Variants in KIF26A observed in about 807,000 individuals in gnomAD.
KIF26A encodes kinesin-like protein KIF26A.
In KIF26A, 74 loss-of-function variants were observed where a neutral mutation model predicts 126.0. That is an observed-to-expected ratio of 0.59 (90% CI 0.49 to 0.71). The LOEUF is 0.71. Ranked by LOEUF, KIF26A falls within the 30% of genes least tolerant of loss-of-function variation. The pLI is 0.00. For synonymous variants in KIF26A, 1,445 were observed against 1,232.7 expected, an observed-to-expected ratio of 1.17 and a Z score of -3.61; for missense variants, 2,984 against 2,763.3, an observed-to-expected ratio of 1.08 and a Z score of -1.79.
intron 5 of KIF26A, among the ~76,000 whole-genome samples, chr14:104,170,729 C>T (rs2037949114): frequency 6.6e-6 from 1 of 152,228 alleles, no homozygotes; most frequent in Middle Eastern, 3.2e-3. Context: ...GGCATCGACG[C>T]ACCAGACCCA....
At chr14:104,172,751 A>T in intron 7 of KIF26A, 83 bp downstream of exon 7, 2 of 1,191,570 alleles carry the variant, frequency 1.7e-6, no homozygotes, top group Non-Finnish European at 2.4e-6. Flanking sequence ...GCAGCTTCTG[A>T]TGGGAAAGGA....
intron 1 of KIF26A, 57 bp from the exon 2 acceptor site, chr14:104,138,986 T>C: frequency 7.6e-7 from 1 of 1,320,264 alleles, no homozygotes; most frequent in African/African-American, 1.5e-5. Context: ...CGCGCAGGGG[T>C]CTGGATCCGA....
At chr14:104,154,732 C>T (rs1230046384) in intron 3 of KIF26A, among the ~76,000 whole-genome samples, 2 of 152,222 alleles carry the variant, frequency 1.3e-5, no homozygotes, top group Admixed American at 6.5e-5. Context: ...AACTGAGCTG[C>T]GAGACCGAGG....
rs74837320 is a variant in KIF26A at position 104,174,984 on chromosome 14, C to T, written c.2196C>T (p.Tyr732=). ...CAGCTCCACTTTTCTTCCCCCAGTA[C>T]GCCTCCAGCTCCTCTGGCGGGGAGA... ...IHRLRRKKAK[Y]ASSSSGGESS... is the part of the protein sequence containing the mutation. Residue 732 remains tyrosine, a splice_region_variant and synonymous_variant, in exon 12 of 15, where the codon TAC becomes TAT. Coordinates refer to ENST00000423312, the MANE Select transcript of KIF26A (RefSeq NM_015656.2). The T allele has an allele frequency of 2.3e-3, 3,479 of 1,535,278 alleles. 69 individuals carry two copies. In the African/African-American group the frequency reaches 0.038, roughly 17 times the overall value.
intron 2 of KIF26A, among the ~76,000 whole-genome samples, chr14:104,140,754 C>G (rs937226385): frequency 6.6e-6 from 1 of 152,182 alleles, no homozygotes; most frequent in African/African-American, 2.4e-5. Flanking sequence ...GACCACCCAT[C>G]TCCAGCCTCC....
Position 104,161,066 on chromosome 14 carries a change from A to G in KIF26A, c.923+3124A>G, listed in dbSNP as rs143361072. 3.7e-3 allele frequency among the ~76,000 whole-genome samples: 571 copies of G among 152,292 alleles called. 5 individuals are homozygous for G. The highest frequency in any genetic ancestry group is 0.013 in the African/African-American group (555 of 41,558). On this transcript the variant is annotated intron_variant, in intron 4 of 14. Coordinates refer to ENST00000423312, the MANE Select transcript of KIF26A (RefSeq NM_015656.2). Reference sequence around the variant, plus strand: ...TTAGCTGGGGACCCACATGGAAGGCACTGTCTGGAGAGGTGTCCCCACCTG... The same window carrying G: ...TTAGCTGGGGACCCACATGGAAGGCGCTGTCTGGAGAGGTGTCCCCACCTG...
intron 2 of KIF26A, among the ~76,000 whole-genome samples, chr14:104,144,552 G>A (rs765005472): frequency 1.3e-5 from 2 of 152,224 alleles, no homozygotes; most frequent in African/African-American, 2.4e-5. Context: ...AAGTACCCTG[G>A]AAGGATCTCT....
intron 4 of KIF26A, among the ~76,000 whole-genome samples, chr14:104,165,853 G>GCA (rs2037893180): frequency 6.6e-6 from 1 of 150,636 alleles, no homozygotes; most frequent in African/African-American, 2.5e-5. Flanking sequence ...GTGTGTCTGT[G>GCA]TGTGTCTCTG....
In KIF26A at chr14:104,179,658, C is replaced by A. The variant is rs1159522587; in HGVS notation, c.5517C>A (p.Ala1839=). ...CCGAGTCGGCCGAGTACCTGGCGGCCCTGGAGCGAGCCACGGCGGCCCTGG... is the reference window on the plus strand; with the variant it reads ...CCGAGTCGGCCGAGTACCTGGCGGCACTGGAGCGAGCCACGGCGGCCCTGG... ...LEPESAEYLA[A]LERATAALEQ... Residue 1839 remains alanine, a synonymous_variant, in exon 15 of 15, where the codon GCC becomes GCA. Coordinates refer to ENST00000423312, the MANE Select transcript of KIF26A (RefSeq NM_015656.2). The A allele has an allele frequency of 6.5e-7, 1 of 1,547,508 alleles. No homozygotes were observed. The highest frequency in any genetic ancestry group is 1.4e-5 in the African/African-American group (1 of 72,896).
chr14:104,171,693 C>T, intron 5 of KIF26A, 30 bp from the exon 6 acceptor site: 1 of 1,528,650 alleles, frequency 6.5e-7, no homozygotes, highest in Non-Finnish European at 8.8e-7. Flanking sequence ...GCGGAGGCAG[C>T]TTCTCAGGTG....
chr14:104,140,387 C>T (rs2037626650), intron 2 of KIF26A, among the ~76,000 whole-genome samples: 1 of 152,140 alleles, frequency 6.6e-6, no homozygotes, highest in African/African-American at 2.4e-5. Flanking sequence ...GCCCCAGTGG[C>T]CTGTATCTAG....
chr14:104,168,091 G>A (rs192595979), intron 5 of KIF26A, among the ~76,000 whole-genome samples: 18 of 152,324 alleles, frequency 1.2e-4, no homozygotes, highest in African/African-American at 4.3e-4. Context: ...AGCACCCCTC[G>A]CAGTCCTGGT....
At position 104,157,804 on chromosome 14, in the gene KIF26A, G is replaced by T. The variant is rs768127036; in HGVS notation, c.785G>T (p.Cys262Phe). Residue 262 changes from cysteine to phenylalanine, a missense_variant, in exon 4 of 15, where the codon TGC (cysteine) becomes TTC (phenylalanine). Physicochemically the swap from Cys to Phe is radical, Grantham distance 205 (BLOSUM62 -2). Coordinates refer to ENST00000423312, the MANE Select transcript of KIF26A (RefSeq NM_015656.2). ...GCGGTGGCAGACACGGTCCGAGAAT[G>T]CCCCCCCGTGGCCGGCCCTGATGGC... ...AVAVADTVRE[C>F]PPVAGPDGLS... The T allele has an allele frequency of 1.4e-4, 229 of 1,609,914 alleles. No homozygotes were observed. Among genetic ancestry groups the T allele is most frequent in the Non-Finnish European group, 1.8e-4 (216 of 1,178,716 alleles).
At position 104,148,272 on chromosome 14, in the gene KIF26A, A is replaced by G. The variant is rs2037697582; in HGVS notation, c.289-3743A>G. ...GAGACTCCCTAAAACCCAGGCGCGCAATGGGTGGGCTATGTTTGATGCTAA... is the reference window on the plus strand; with the variant it reads ...GAGACTCCCTAAAACCCAGGCGCGCGATGGGTGGGCTATGTTTGATGCTAA... On this transcript the variant is annotated intron_variant, in intron 2 of 14. Coordinates refer to ENST00000423312, the MANE Select transcript of KIF26A (RefSeq NM_015656.2). The surrounding 1 kb of genome is among the most constrained non-coding windows in gnomAD (Gnocchi z 4.3). 6.6e-6 allele frequency among the ~76,000 whole-genome samples: 1 copy of G among 152,228 alleles called. No homozygotes were observed. The highest frequency in any genetic ancestry group is 1.5e-5 in the Non-Finnish European group (1 of 68,046).
intron 4 of KIF26A, among the ~76,000 whole-genome samples, chr14:104,160,211 G>A (rs1230040749): frequency 2.0e-5 from 3 of 152,192 alleles, no homozygotes; most frequent in African/African-American, 7.2e-5. Context: ...TTGAGTAGGA[G>A]TCTGGCAGGC....
chr14:104,172,507 G>A (rs938068835), intron 6 of KIF26A, 68 bp from the exon 7 acceptor site: 25 of 1,202,872 alleles, frequency 2.1e-5, no homozygotes, highest in African/African-American at 1.2e-4. Flanking sequence ...AGGACAGACC[G>A]GCCTCAGGCC....
At chr14:104,179,533 G>A in intron 14 of KIF26A, 76 bp from the exon 15 acceptor site, 2 of 1,440,572 alleles carry the variant, frequency 1.4e-6, no homozygotes, top group South Asian at 1.4e-5. Flanking sequence ...CTTTCCTGGG[G>A]CCTCTGGGGG....
chr14:104,154,043 T>C (rs1251487783), intron 3 of KIF26A, among the ~76,000 whole-genome samples: 3 of 152,182 alleles, frequency 2.0e-5, no homozygotes, highest in Non-Finnish European at 2.9e-5. Flanking sequence ...GAACCATAAA[T>C]AGAACTTTAG....
chr14:104,150,346 G>A (rs1308264464), intron 2 of KIF26A, among the ~76,000 whole-genome samples: 3 of 151,900 alleles, frequency 2.0e-5, no homozygotes, highest in Non-Finnish European at 2.9e-5. Context: ...GGCTCTGCAG[G>A]CCCTGGGTTG....
Sources: gnomAD v4.1 joint callset for allele counts (sites outside exome capture counted in the v4.1 genomes callset) on GRCh38, gnomAD v4.1.1 for gene constraint, Gnocchi (gnomAD v3.1) non-coding constraint, MANE v1.5 for transcripts, NCBI Gene and HGNC (gene_info 2026-07-23, HGNC 2026-07-21) for gene names.